Variants in RNF4 observed in about 807,000 individuals in gnomAD.
RNF4 encodes ring finger protein 4, also known as E3 ubiquitin-protein ligase RNF4.
RNF4 carries 7 observed loss-of-function variants against 24.3 expected under a neutral mutation model. That is an observed-to-expected ratio of 0.29 (90% CI 0.16 to 0.54). The LOEUF (loss-of-function observed/expected upper bound fraction) is 0.54. Among genes scored for constraint, RNF4 ranks in the 20% least tolerant of loss-of-function variants. The probability of loss-of-function intolerance (pLI) is 0.95; values close to 1 mark genes in which losing one functional copy is unlikely to be tolerated. For synonymous variants in RNF4, 83 were observed against 84.3 expected, an observed-to-expected ratio of 0.98 and a Z score of 0.09; for missense variants, 209 against 248.5, an observed-to-expected ratio of 0.84 and a Z score of 1.07.
rs1324519033 is a variant in RNF4, at chr4:2,484,592, C to G, written c.-157-5745C>G. On this transcript the variant is annotated intron_variant, in intron 1 of 7. Coordinates refer to ENST00000314289, the MANE Select transcript of RNF4 (RefSeq NM_002938.5). ...CGTATACATATATACCATGAATACA[C>G]ATAATTATATGTCACACTCCTGCTA... Among the ~76,000 whole-genome samples the G allele has an allele frequency of 3.3e-5, 5 of 151,582 alleles. No homozygotes were observed. The East Asian group carries it at 9.7e-4, about 29-fold the overall frequency.
chr4:2,508,860 C>A (rs1736183134), intron 4 of RNF4, among the ~76,000 whole-genome samples: 1 of 150,658 alleles, frequency 6.6e-6, no homozygotes, highest in Non-Finnish European at 1.5e-5. Context: ...GATCTGCCCG[C>A]CTCTGCCTCC....
chr4:2,472,741 T>C (rs541667594), intron 1 of RNF4, among the ~76,000 whole-genome samples: 1 of 152,084 alleles, frequency 6.6e-6, no homozygotes, highest in Admixed American at 6.5e-5. Flanking sequence ...CTATTCTAGA[T>C]ACCATTAAGA....
chr4:2,503,941 C>G (rs1735991076), intron 4 of RNF4, among the ~76,000 whole-genome samples: 1 of 152,100 alleles, frequency 6.6e-6, no homozygotes, highest in Non-Finnish European at 1.5e-5. Context: ...ATCAGGGAAC[C>G]CTCTAAACTT....
chr4:2,494,878 AT>A (rs1400482289), intron 2 of RNF4: 1 of 152,218 alleles, frequency 6.6e-6, no homozygotes, highest in Admixed American at 6.5e-5. Context: ...AAGTACATTG[AT>A]TTCTTTATTA....
chr4:2,490,587 T>C (rs1735550346), intron 2 of RNF4, 85 bp downstream of exon 2: 1 of 1,417,812 alleles, frequency 7.1e-7, no homozygotes, highest in Admixed American at 2.0e-5. Flanking sequence ...GAAAGTGAGT[T>C]CCATAATGTC....
chr4:2,505,518 G>C (rs1462661788), intron 4 of RNF4: 1 of 150,106 alleles, frequency 6.7e-6, no homozygotes, highest in Non-Finnish European at 1.5e-5. Flanking sequence ...GTAGAGACGG[G>C]GTTTCACCAT....
chr4:2,482,841 T>A (rs1464620161), intron 1 of RNF4, among the ~76,000 whole-genome samples: 2 of 132,394 alleles, frequency 1.5e-5, no homozygotes, highest in African/African-American at 4.9e-5. Flanking sequence ...TAACTCTGGG[T>A]GAGAACTGCC....
intron 7 of RNF4, among the ~76,000 whole-genome samples, 196 bp downstream of exon 7, chr4:2,513,327 C>A (rs778043645): frequency 1.3e-5 from 2 of 152,242 alleles, no homozygotes; most frequent in African/African-American, 2.4e-5. Context: ...CTTTCACCTT[C>A]AGCCCCTATA....
intron 4 of RNF4, among the ~76,000 whole-genome samples, chr4:2,511,007 A>G (rs1736256751): frequency 6.6e-6 from 1 of 152,202 alleles, no homozygotes; most frequent in Non-Finnish European, 1.5e-5. Context: ...AGTTACTTGT[A>G]ACAACCTACT....
At chr4:2,498,516 T>C (rs770342451) in intron 3 of RNF4, among the ~76,000 whole-genome samples, 1 of 152,126 alleles carries the variant, frequency 6.6e-6, no homozygotes, top group African/African-American at 2.4e-5. Flanking sequence ...GAGCCCAGAA[T>C]TGTGTTCACC....
intron 7 of RNF4, 132 bp from the exon 8 acceptor site, chr4:2,513,538 C>T (rs1375555855): frequency 9.5e-7 from 1 of 1,055,406 alleles, no homozygotes; most frequent in Non-Finnish European, 1.4e-6. Flanking sequence ...CTCCAGACCC[C>T]TCCCTGTTGT....
chr4:2,509,012 G>T (rs550357747), intron 4 of RNF4, among the ~76,000 whole-genome samples: 2 of 141,592 alleles, frequency 1.4e-5, no homozygotes, highest in Non-Finnish European at 3.0e-5. Flanking sequence ...TCCACCTCCC[G>T]GGCTCAAGTG....
At chr4:2,504,092 G>A (rs531494012) in intron 4 of RNF4, among the ~76,000 whole-genome samples, 138 of 152,306 alleles carry the variant, frequency 9.1e-4, no homozygotes, top group Non-Finnish European at 1.6e-3. Flanking sequence ...GCATACAGGT[G>A]TGCACATTCT....
chr4:2,477,467 T>C (rs1735113673), intron 1 of RNF4, among the ~76,000 whole-genome samples: 2 of 152,170 alleles, frequency 1.3e-5, no homozygotes, highest in East Asian at 1.9e-4. Context: ...TGCCTGTAGT[T>C]CCAGCTACTT....
chr4:2,509,751 C>T, intron 4 of RNF4, among the ~76,000 whole-genome samples: 1 of 152,098 alleles, frequency 6.6e-6, no homozygotes, highest in Non-Finnish European at 1.5e-5. Flanking sequence ...TCACAAGAGA[C>T]CATAAAGACT....
At chr4:2,488,524 C>A (rs1024545015) in intron 1 of RNF4, among the ~76,000 whole-genome samples, 3 of 152,072 alleles carry the variant, frequency 2.0e-5, no homozygotes, top group Non-Finnish European at 4.4e-5. Context: ...AGGGCTTGAG[C>A]AGAAGGTTGG....
intron 3 of RNF4, among the ~76,000 whole-genome samples, chr4:2,498,083 C>T (rs1560409119): frequency 6.6e-6 from 1 of 152,144 alleles, no homozygotes; most frequent in Non-Finnish European, 1.5e-5. Flanking sequence ...GATCCTGGCT[C>T]TAGACCAAAA....
At chr4:2,473,936 G>C (rs1465168441) in intron 1 of RNF4, among the ~76,000 whole-genome samples, 1 of 152,272 alleles carries the variant, frequency 6.6e-6, no homozygotes, top group East Asian at 1.9e-4. Flanking sequence ...GCTGAGCGTG[G>C]TAGTGGGATT....
In RNF4 at chr4:2,514,032, C is replaced by T. The variant is rs2108781357; in HGVS notation, c.*213C>T. On this transcript the variant is annotated 3_prime_UTR_variant, in exon 8 of 8. Coordinates refer to ENST00000314289, the MANE Select transcript of RNF4 (RefSeq NM_002938.5). ...GGGCCCTCCCAGGCCATCTCTGTTCCTCTGGGGTGGTCCAGTTCTAGAGTG... is the reference window on the plus strand; with the variant it reads ...GGGCCCTCCCAGGCCATCTCTGTTCTTCTGGGGTGGTCCAGTTCTAGAGTG... The T allele has an allele frequency of 1.6e-6, 1 of 610,338 alleles. No homozygotes were observed. Among genetic ancestry groups the T allele is most frequent in the Non-Finnish European group, 2.8e-6 (1 of 355,780 alleles). 37.8% of individuals were successfully genotyped at this position (610,338 alleles called of 1,614,324 possible).
Sources: gnomAD v4.1 joint callset for allele counts (sites outside exome capture counted in the v4.1 genomes callset) on GRCh38, gnomAD v4.1.1 for gene constraint, MANE v1.5 for transcripts, NCBI Gene and HGNC (gene_info 2026-07-23, HGNC 2026-07-21) for gene names.